TPTE2: variants seen among roughly 807,000 people sequenced by gnomAD.
The protein encoded by TPTE2 is phosphatidylinositol 3,4,5-trisphosphate 3-phosphatase TPTE2.
A neutral mutation model predicts 78.6 loss-of-function variants in TPTE2; 53 were observed. The ratio of observed to expected loss-of-function variants is 0.67; its 90% CI spans 0.54 to 0.85. The LOEUF (loss-of-function observed/expected upper bound fraction) is 0.85, where lower values mean the gene tolerates loss of function less well. Among genes scored for constraint, TPTE2 ranks in the 40% least tolerant of loss-of-function variants. The probability of loss-of-function intolerance (pLI) is 0.00; values close to 1 mark genes in which losing one functional copy is unlikely to be tolerated. For synonymous variants in TPTE2, 175 were observed against 206.2 expected (o/e 0.85, Z 1.30); for missense variants, 461 against 623.0 (o/e 0.74, Z 2.77).
At position 19,423,818 on chromosome 13, in the gene TPTE2, C is replaced by T. The variant is rs776206734; in HGVS notation, c.1467-654G>A. ...TAGCTTATCACTTCTCCAAAATGAA[C>T]GCAGTGTTTTAAAGGAAAAAAACGG... On this transcript the variant is annotated intron_variant, in intron 19 of 19. Transcript: ENST00000400230. Among the ~76,000 whole-genome samples the T allele has an allele frequency of 8.5e-5, 13 of 152,208 alleles. No individual in the cohort carries two copies. In the East Asian group the frequency reaches 9.6e-4, roughly 11 times the overall value.
the TPTE2 span, among the ~76,000 whole-genome samples, chr13:19,543,479 CCCGT>C: frequency 6.6e-6 from 1 of 151,906 alleles, no homozygotes; most frequent in Non-Finnish European, 1.5e-5. Flanking sequence ...GCCTCAGGCC[CCCGT>C]GTAGCTGGGA....
In TPTE2 at chr13:19,486,105, G is replaced by A. The variant is rs1210340835; in HGVS notation, c.120-3558C>T. Among the ~76,000 whole-genome samples, 1 of 152,018 alleles carries A rather than the reference G, an allele frequency of 6.6e-6. No individual in the cohort carries two copies. The highest frequency in any genetic ancestry group is 1.5e-5 in the Non-Finnish European group (1 of 68,010). On this transcript the variant is annotated intron_variant, in intron 3 of 19. Transcript: ENST00000400230. The surrounding 1 kb of genome is among the most constrained non-coding windows in gnomAD (Gnocchi z 4.3). ...TTCACGGTTGCTGTGTTTCTAAATT[G>A]ATTTCTATGCATCTGGTGAAAAAGT...
intron 17 of TPTE2, among the ~76,000 whole-genome samples, chr13:19,427,769 C>T (rs1289334216): frequency 6.6e-6 from 1 of 152,090 alleles, no homozygotes; most frequent in African/African-American, 2.4e-5. Flanking sequence ...CCAAAGATAG[C>T]TCAAGTTTTG....
At chr13:19,425,799 C>T (rs6491271) in intron 18 of TPTE2, 5,025 of 469,750 alleles carry the variant, frequency 0.011, 110 homozygotes, top group African/African-American at 0.039. Flanking sequence ...GATGGCTCCC[C>T]CTTCCAGTTG....
chr13:19,505,546 C>T (rs1868952428), upstream of TPTE2, among the ~76,000 whole-genome samples: 1 of 152,084 alleles, frequency 6.6e-6, no homozygotes, highest in South Asian at 2.1e-4. Flanking sequence ...TACTTTCACC[C>T]ATCATGGCTG....
intron 15 of TPTE2, among the ~76,000 whole-genome samples, chr13:19,433,540 A>C (rs1179196089): frequency 6.6e-6 from 1 of 152,118 alleles, no homozygotes; most frequent in Non-Finnish European, 1.5e-5. Flanking sequence ...CAAAACTCAT[A>C]AGTTCACAGA....
chr13:19,436,347 T>C (rs755608602), intron 14 of TPTE2, 41 bp from the exon 18 acceptor site: 1 of 1,555,010 alleles, frequency 6.4e-7, no homozygotes, highest in Non-Finnish European at 8.8e-7. Flanking sequence ...TCATCTGCAC[T>C]CTTTCCTTTC....
chr13:19,507,389 C>A (rs538677542), upstream of TPTE2, among the ~76,000 whole-genome samples: 1 of 148,014 alleles, frequency 6.8e-6, no homozygotes, highest in African/African-American at 2.5e-5. Flanking sequence ...TAGACAACAA[C>A]AGCAACTACC....
intron 1 of TPTE2, among the ~76,000 whole-genome samples, chr13:19,533,306 A>T (rs781584622): frequency 1.3e-5 from 2 of 152,204 alleles, no homozygotes; most frequent in Admixed American, 6.5e-5. Flanking sequence ...AGAACCAATC[A>T]TCCCATTTCA....
At chr13:19,511,213 T>G (rs1445738568) in intron 1 of TPTE2, among the ~76,000 whole-genome samples, 1 of 152,222 alleles carries the variant, frequency 6.6e-6, no homozygotes, top group African/African-American at 2.4e-5. Context: ...GCAATATATG[T>G]GTTCCTCACT....
the TPTE2 span, among the ~76,000 whole-genome samples, chr13:19,553,334 C>T: frequency 3.3e-5 from 5 of 152,298 alleles, no homozygotes; most frequent in African/African-American, 1.2e-4. Context: ...CCACCAGTTA[C>T]TGCTGCTGGG....
chr13:19,479,962 A>C (rs1209588710), intron 4 of TPTE2, among the ~76,000 whole-genome samples: 1 of 147,250 alleles, frequency 6.8e-6, no homozygotes, highest in Non-Finnish European at 1.5e-5. Flanking sequence ...CTCCGGCTCA[A>C]AAAAAAAAAA....
chr13:19,464,055 G>C (rs1322921976), intron 10 of TPTE2, among the ~76,000 whole-genome samples: 2 of 152,092 alleles, frequency 1.3e-5, no homozygotes, highest in Non-Finnish European at 2.9e-5. Context: ...CCTCGGGGGG[G>C]TGCACGTAGC....
intron 1 of TPTE2, among the ~76,000 whole-genome samples, chr13:19,516,406 A>G (rs1006363508): frequency 6.6e-6 from 1 of 152,228 alleles, no homozygotes; most frequent in African/African-American, 2.4e-5. Context: ...AGATAGGATC[A>G]TATGAGGATC....
At chr13:19,468,899 T>C (rs1218535591) in intron 6 of TPTE2, among the ~76,000 whole-genome samples, 2 of 152,240 alleles carry the variant, frequency 1.3e-5, no homozygotes, top group African/African-American at 4.8e-5. Context: ...TTGTTTGAGC[T>C]CCTTACATAT....
intron 17 of TPTE2, among the ~76,000 whole-genome samples, chr13:19,427,008 G>A (rs542574976): frequency 1.5e-5 from 2 of 135,154 alleles, no homozygotes; most frequent in Middle Eastern, 9.4e-3. Context: ...CCGGCCTGTT[G>A]TTTATGTCTT....
chr13:19,469,827 T>C (rs1213715068), intron 6 of TPTE2, among the ~76,000 whole-genome samples: 1 of 152,214 alleles, frequency 6.6e-6, no homozygotes, highest in Non-Finnish European at 1.5e-5. Flanking sequence ...TCCAAATGGT[T>C]CACGGTTGAC....
At chr13:19,465,000 T>C (rs569148589) in intron 9 of TPTE2, among the ~76,000 whole-genome samples, 2 of 152,312 alleles carry the variant, frequency 1.3e-5, no homozygotes, top group African/African-American at 4.8e-5. Context: ...AAGAGGTTAA[T>C]AAATTGAAAC....
chr13:19,478,923 A>C (rs1880142233), intron 4 of TPTE2, among the ~76,000 whole-genome samples: 1 of 151,952 alleles, frequency 6.6e-6, no homozygotes, highest in Admixed American at 6.6e-5. Flanking sequence ...AAAACCAAAC[A>C]CTGCATGTTC....
Sources: gnomAD v4.1 joint callset for allele counts (sites outside exome capture counted in the v4.1 genomes callset) on GRCh38, gnomAD v4.1.1 for gene constraint, Gnocchi (gnomAD v3.1) non-coding constraint, MANE v1.5 for transcripts, NCBI Gene and HGNC (gene_info 2026-07-23, HGNC 2026-07-21) for gene names.